Variants in SNX29 observed in about 807,000 individuals in gnomAD.
SNX29 encodes sorting nexin-29.
SNX29 carries 78 observed loss-of-function variants against 102.1 expected under a neutral mutation model. The observed-to-expected ratio is 0.76, with a 90% confidence interval of 0.64 to 0.92. The LOEUF is 0.92. SNX29 is among the 40% of genes least tolerant of loss of function. The probability of loss-of-function intolerance (pLI) is 0.00; values close to 1 mark genes in which losing one functional copy is unlikely to be tolerated. For synonymous variants in SNX29, 580 were observed against 414.5 expected (o/e 1.40, Z -4.85); for missense variants, 1,280 against 1,061.7 (o/e 1.21, Z -2.86).
At chr16:12,239,639 CAAAAAAAAAA>C (rs61024203) in intron 14 of SNX29, among the ~76,000 whole-genome samples, 2 of 62,568 alleles carry the variant, frequency 3.2e-5, no homozygotes, top group East Asian at 6.0e-4. Flanking sequence ...CCTGTTTCTA[CAAAAAAAAAA>C]AAAAAAAAAA....
At chr16:12,556,900 T>G (rs572575676) in intron 20 of SNX29, among the ~76,000 whole-genome samples, 1 of 151,556 alleles carries the variant, frequency 6.6e-6, no homozygotes, top group Admixed American at 6.6e-5. Context: ...TCTCCTCACC[T>G]TGAGTGTAGT....
At chr16:12,543,839 A>G (rs1357654562) in intron 20 of SNX29, among the ~76,000 whole-genome samples, 1 of 152,200 alleles carries the variant, frequency 6.6e-6, no homozygotes, top group Non-Finnish European at 1.5e-5. Flanking sequence ...CGTATTTGGA[A>G]GAGAGAAGCC....
Position 12,051,834 on chromosome 16 carries a change from T to C in SNX29, c.749-13T>C, listed in dbSNP as rs1339014516. 5.6e-6 allele frequency: 9 copies of C among 1,593,760 alleles called. No homozygotes were observed. Among genetic ancestry groups the C allele is most frequent in the Non-Finnish European group, 7.7e-6 (9 of 1,174,688 alleles). ...TTTTTCTTATACTGTATCTTTTTTT[T>C]TTTTTTTGCCAGATGCCAAATGCAA... On this transcript the variant is annotated splice_polypyrimidine_tract_variant and intron_variant, in intron 7 of 20. Coordinates refer to ENST00000566228, the MANE Select transcript of SNX29 (RefSeq NM_032167.5).
intron 13 of SNX29, among the ~76,000 whole-genome samples, chr16:12,136,652 T>C (rs73519812): frequency 0.025 from 3,748 of 152,360 alleles, 165 homozygotes; most frequent in African/African-American, 0.087. Context: ...AGATGGCCTC[T>C]GGTAGCACTG....
chr16:12,170,505 G>A (rs565447054), intron 13 of SNX29, among the ~76,000 whole-genome samples: 4 of 151,814 alleles, frequency 2.6e-5, no homozygotes, highest in Non-Finnish European at 5.9e-5. Flanking sequence ...TGGTATGCGT[G>A]TATCAGAACA....
chr16:12,405,060 C>G (rs968682177), intron 18 of SNX29, among the ~76,000 whole-genome samples: 1 of 152,184 alleles, frequency 6.6e-6, no homozygotes, highest in African/African-American at 2.4e-5. Flanking sequence ...CAAAAATCCT[C>G]TTCTCTTTGT....
intron 13 of SNX29, among the ~76,000 whole-genome samples, chr16:12,159,137 C>G (rs568790855): frequency 6.6e-6 from 1 of 152,150 alleles, no homozygotes; most frequent in Non-Finnish European, 1.5e-5. Flanking sequence ...TGAGGACACC[C>G]GTCTAACAAA....
chr16:12,179,523 C>T (rs937960111), intron 13 of SNX29, among the ~76,000 whole-genome samples: 2 of 152,222 alleles, frequency 1.3e-5, no homozygotes, highest in Admixed American at 6.5e-5. Flanking sequence ...TGTTTTCTTC[C>T]ATTTTAAGAA....
At chr16:12,401,907 A>C (rs941282362) in intron 17 of SNX29, among the ~76,000 whole-genome samples, 4 of 152,188 alleles carry the variant, frequency 2.6e-5, no homozygotes, top group Non-Finnish European at 5.9e-5. Context: ...ATGCACTGAA[A>C]GAGAGAACCA....
At chr16:12,069,216 G>A in intron 10 of SNX29, 84 bp downstream of exon 10, 1 of 1,172,428 alleles carries the variant, frequency 8.5e-7, no homozygotes, top group South Asian at 1.5e-5. Flanking sequence ...AAAGATAGGA[G>A]TGCACCTGCT....
At chr16:12,395,067 C>G (rs866969996) in intron 16 of SNX29, among the ~76,000 whole-genome samples, 2 of 152,120 alleles carry the variant, frequency 1.3e-5, no homozygotes, top group Non-Finnish European at 2.9e-5. Flanking sequence ...TTTTCTTCTA[C>G]GGCTTTGGCA....
intron 15 of SNX29, among the ~76,000 whole-genome samples, chr16:12,337,579 C>T (rs775514417): frequency 7.9e-5 from 12 of 152,146 alleles, no homozygotes; most frequent in East Asian, 1.9e-4. Flanking sequence ...TGGGTTCAAG[C>T]GATCCTCCCA....
At chr16:12,084,936 G>T (rs1475477320) in intron 11 of SNX29, among the ~76,000 whole-genome samples, 1 of 152,078 alleles carries the variant, frequency 6.6e-6, no homozygotes, top group African/African-American at 2.4e-5. Flanking sequence ...TGGATATGGT[G>T]GTGCGTACCT....
At position 12,445,642 on chromosome 16, in the gene SNX29, C is replaced by A. The variant is rs574535850; in HGVS notation, c.2038-32077C>A. On this transcript the variant is annotated intron_variant, in intron 18 of 20. Transcript: ENST00000566228. ...CACCTAAGCTAAGCTTTTTCACTTACAAAAAAATAGCCTCAGTGTACAGTG... is the reference window on the plus strand; with the variant it reads ...CACCTAAGCTAAGCTTTTTCACTTAAAAAAAAATAGCCTCAGTGTACAGTG... Among the ~76,000 whole-genome samples the A allele has an allele frequency of 2.0e-5, 3 of 152,232 alleles. No individual in the cohort carries two copies. In the South Asian group the frequency reaches 6.2e-4, roughly 32 times the overall value.
chr16:12,451,441 C>T (rs548158059), intron 18 of SNX29, among the ~76,000 whole-genome samples: 36 of 152,352 alleles, frequency 2.4e-4, no homozygotes, highest in South Asian at 1.7e-3. Flanking sequence ...TTTAATGATC[C>T]GGTGGCTGCC....
chr16:12,029,617 A>T (rs1245826050), intron 4 of SNX29: 9 of 446,474 alleles, frequency 2.0e-5, no homozygotes, highest in South Asian at 1.2e-4. Flanking sequence ...TTTTAGATGG[A>T]GCCTCACTCT....
chr16:12,114,778 G>A (rs1412803593), intron 11 of SNX29, among the ~76,000 whole-genome samples: 1 of 151,916 alleles, frequency 6.6e-6, no homozygotes, highest in Non-Finnish European at 1.5e-5. Context: ...TAGTAGAGAC[G>A]GGGTTTCAGC....
At chr16:12,152,758 C>G (rs541446693) in intron 13 of SNX29, among the ~76,000 whole-genome samples, 14 of 152,312 alleles carry the variant, frequency 9.2e-5, no homozygotes, top group African/African-American at 3.4e-4. Flanking sequence ...AACATAATAG[C>G]TCTATTATTT....
At chr16:11,994,328 A>T (rs1328661085) in intron 1 of SNX29, among the ~76,000 whole-genome samples, 1 of 152,224 alleles carries the variant, frequency 6.6e-6, no homozygotes, top group Non-Finnish European at 1.5e-5. Context: ...AATAAAAAGA[A>T]GCCTGTTCTT....
Sources: gnomAD v4.1 joint callset for allele counts (sites outside exome capture counted in the v4.1 genomes callset) on GRCh38, gnomAD v4.1.1 for gene constraint, MANE v1.5 for transcripts, NCBI Gene and HGNC (gene_info 2026-07-23, HGNC 2026-07-21) for gene names.